RRBP1: variants seen among roughly 807,000 people sequenced by gnomAD.
RRBP1 encodes the protein ribosome-binding protein 1.
Under a neutral mutation model 165.2 loss-of-function variants are expected in RRBP1, and 94 were observed. That is an observed-to-expected ratio of 0.57 (90% CI 0.48 to 0.68). The LOEUF is 0.68. RRBP1 is among the 30% of genes least tolerant of loss of function. RRBP1 has a pLI of 0.00. For missense variants in RRBP1, 1,676 were observed against 1,763.0 expected, an observed-to-expected ratio of 0.95 and a Z score of 0.88; for synonymous variants, 680 against 714.5, an observed-to-expected ratio of 0.95 and a Z score of 0.77.
intron 7 of RRBP1, among the ~76,000 whole-genome samples, chr20:17,634,248 AGACT>A (rs1257359103): frequency 6.6e-6 from 1 of 152,226 alleles, no homozygotes; most frequent in African/African-American, 2.4e-5. Flanking sequence ...TCAAGGCCAA[AGACT>A]GACTGTCCAA....
rs528728418 is a variant in RRBP1, at chr20:17,614,806, C to T, written c.4125G>A (p.Lys1375=). Residue 1375 remains lysine, a synonymous_variant, in exon 24 of 25, where the codon AAG becomes AAA. Transcript: ENST00000377813. ...CCCTTGCCAGCTGCTCCTGGGTCGT[C>T]TTCAGAAGCTCCTGCAGTCTCGTGG... ...RAATRLQELL[K]TTQEQLAREK... 6.2e-7 allele frequency: 1 copy of T among 1,613,914 alleles called. No homozygotes were observed. Among genetic ancestry groups the T allele is most frequent in the African/African-American group, 1.3e-5 (1 of 75,076 alleles).
Position 17,658,812 on chromosome 20 carries a change from G to T in RRBP1, c.1696C>A (p.Gln566Lys), listed in dbSNP as rs1196185660. 3.1e-6 allele frequency: 5 copies of T among 1,613,878 alleles called. No individual in the cohort carries two copies. Among genetic ancestry groups the T allele is most frequent in the Middle Eastern group, 1.6e-4 (1 of 6,084 alleles). ...QGTKVEGITNQGKKAEGSPSE... is the reference protein window; with the variant it reads ...QGTKVEGITNKGKKAEGSPSE... ...GGGGACCCTTCTGCTTTTTTCCCCT[G>T]GTTTGTAATACCCTCTACCTTTGTG... The change falls in exon 3 of 25, where the codon CAG (glutamine) becomes AAG (lysine). Residue 566 changes from glutamine to lysine, a missense_variant. Around this residue, in one of 5 missense-constraint regions of RRBP1, gnomAD observed 1,184 missense variants for 1,167.1 expected, o/e 1.01. Coordinates refer to ENST00000377813, the MANE Select transcript of RRBP1 (RefSeq NM_001365613.2).
intron 2 of RRBP1, among the ~76,000 whole-genome samples, chr20:17,671,901 A>G (rs555058769): frequency 6.6e-6 from 1 of 152,348 alleles, no homozygotes; most frequent in East Asian, 1.9e-4. Flanking sequence ...CAGGCCACCC[A>G]GCCTATTCTA....
chr20:17,669,873 A>G (rs1600187160), intron 2 of RRBP1, among the ~76,000 whole-genome samples: 1 of 152,200 alleles, frequency 6.6e-6, no homozygotes, highest in African/African-American at 2.4e-5. Flanking sequence ...ATATATAAGC[A>G]TATGAATCAC....
At position 17,641,865 on chromosome 20, in the gene RRBP1, C is replaced by T. The variant is rs756619620; in HGVS notation, c.2116G>A (p.Glu706Lys). The T allele has an allele frequency of 1.2e-6, 2 of 1,614,108 alleles. No homozygotes were observed. The highest frequency in any genetic ancestry group is 8.5e-7 in the Non-Finnish European group (1 of 1,179,996). Residue 706 changes from glutamate (E) to lysine (K), a missense_variant, in exon 5 of 25, where the codon GAA (glutamate) becomes AAA (lysine). Transcript: ENST00000377813. ...TCCTGTTCTGTGGCCAGCAGTTTTT[C>T]CTTCTCTTCCAGCTGGCGTTTCAGA... ...AILKRQLEEK[E>K]KLLATEQEDA... is the part of the protein sequence containing the mutation.
chr20:17,652,080 A>G (rs1056455544), intron 3 of RRBP1, among the ~76,000 whole-genome samples: 9 of 152,192 alleles, frequency 5.9e-5, no homozygotes, highest in African/African-American at 2.2e-4. Context: ...TTTTGCTGCT[A>G]ATCTGTCCTG....
rs1253901052 is a variant in RRBP1, at chr20:17,643,679, C to A, written c.1913-552G>T. Among the ~76,000 whole-genome samples the A allele has an allele frequency of 1.3e-5, 2 of 152,150 alleles. No individual in the cohort carries two copies. The highest frequency in any genetic ancestry group is 2.4e-5 in the African/African-American group (1 of 41,432). Reference sequence around the variant, plus strand: ...GAGAGGCTGCTTCCACACATCAGTGCAAACCCTATTTCTAGCTCCCTGGAT... The same window carrying A: ...GAGAGGCTGCTTCCACACATCAGTGAAAACCCTATTTCTAGCTCCCTGGAT... On this transcript the variant is annotated intron_variant, in intron 3 of 24. Coordinates refer to ENST00000377813, the MANE Select transcript of RRBP1 (RefSeq NM_001365613.2). This position sits in a 1 kb window ranked among gnomAD's most constrained non-coding sequence, Gnocchi z 4.3.
At chr20:17,657,351 A>G (rs886798710) in intron 3 of RRBP1, among the ~76,000 whole-genome samples, 3 of 152,210 alleles carry the variant, frequency 2.0e-5, no homozygotes, top group Admixed American at 6.5e-5. Context: ...CTGCTGCCCC[A>G]GCAAATGGCC....
At chr20:17,616,079 C>G in intron 21 of RRBP1, 70 bp from the exon 22 acceptor site, 1 of 1,342,486 alleles carries the variant, frequency 7.4e-7, no homozygotes. Context: ...GGATCCAGCA[C>G]AGGCACCGCT....
intron 12 of RRBP1, among the ~76,000 whole-genome samples, chr20:17,625,235 C>A (rs1237273066): frequency 6.6e-6 from 1 of 152,156 alleles, no homozygotes; most frequent in Non-Finnish European, 1.5e-5. Flanking sequence ...GTGACTCAGG[C>A]CAGGCCAACA....
At chr20:17,614,578 T>G (rs1372686152) in intron 24 of RRBP1, among the ~76,000 whole-genome samples, 159 bp downstream of exon 24, 2 of 151,844 alleles carry the variant, frequency 1.3e-5, no homozygotes, top group Non-Finnish European at 2.9e-5. Context: ...GAAGTCTCTG[T>G]CCCCACTACC....
intron 24 of RRBP1, 99 bp downstream of exon 24, chr20:17,614,638 G>C: frequency 8.8e-6 from 13 of 1,482,562 alleles, no homozygotes; most frequent in Non-Finnish European, 1.2e-5. Flanking sequence ...GCTCCCAGCA[G>C]CTTGACGACT....
At chr20:17,669,015 AT>A (rs147797346) in intron 2 of RRBP1, among the ~76,000 whole-genome samples, 6,816 of 150,128 alleles carry the variant, frequency 0.045, 500 homozygotes, top group African/African-American at 0.15. Flanking sequence ...GCAATCTCTG[AT>A]TTTTTTTTTA....
chr20:17,642,433 G>C (rs956124640), intron 4 of RRBP1, among the ~76,000 whole-genome samples: 1 of 152,160 alleles, frequency 6.6e-6, no homozygotes, highest in South Asian at 2.1e-4. Flanking sequence ...TGGCCAGGAA[G>C]GGAGTGACCC....
chr20:17,669,857 T>A (rs1206732107), intron 2 of RRBP1, among the ~76,000 whole-genome samples: 1 of 152,178 alleles, frequency 6.6e-6, no homozygotes, highest in Non-Finnish European at 1.5e-5. Context: ...AAGAAAAAAA[T>A]TCTACATATA....
Position 17,621,139 on chromosome 20 carries a change from T to A in RRBP1, c.3414+319A>T, listed in dbSNP as rs1320148552. On this transcript the variant is annotated intron_variant, in intron 16 of 24. Coordinates refer to ENST00000377813, the MANE Select transcript of RRBP1 (RefSeq NM_001365613.2). ...AGCACAGGATGGGCTGGCCAGAGAG[T>A]GGCAGGGCTAGACCTGGCATTGCTC... Among the ~76,000 whole-genome samples the A allele has an allele frequency of 2.0e-5, 3 of 151,936 alleles. No individual in the cohort carries two copies. The East Asian group carries it at 5.8e-4, about 29-fold the overall frequency.
intron 5 of RRBP1, 80 bp from the exon 6 acceptor site, chr20:17,636,809 C>G: frequency 6.4e-7 from 1 of 1,559,196 alleles, no homozygotes; most frequent in Non-Finnish European, 8.7e-7. Context: ...GAGCATCACC[C>G]GAGCTGGGAG....
intron 3 of RRBP1, among the ~76,000 whole-genome samples, chr20:17,653,021 G>A (rs1053807465): frequency 3.9e-5 from 6 of 152,112 alleles, no homozygotes; most frequent in Non-Finnish European, 7.4e-5. Flanking sequence ...AAAATCATCC[G>A]AGGGCACAGA....
At chr20:17,651,043 A>G (rs2036547352) in intron 3 of RRBP1, among the ~76,000 whole-genome samples, 1 of 152,232 alleles carries the variant, frequency 6.6e-6, no homozygotes, top group African/African-American at 2.4e-5. Context: ...CAGTACCCGG[A>G]ACACGGGGAA....
Sources: allele counts gnomAD v4.1 joint callset (sites outside exome capture counted in the v4.1 genomes callset), GRCh38; gene constraint gnomAD v4.1.1; regional missense constraint gnomAD v4.1.1; non-coding constraint Gnocchi (gnomAD v3.1); transcripts MANE v1.5; gene names NCBI Gene and HGNC (gene_info 2026-07-23, HGNC 2026-07-21).